GPX6: variants seen among roughly 807,000 people sequenced by gnomAD.
GPX6 encodes the protein glutathione peroxidase 6, also known as glutathione peroxidase 6 (olfactory).
Under a neutral mutation model 20.0 loss-of-function variants are expected in GPX6, and 21 were observed. That is an observed-to-expected ratio of 1.05 (90% CI 0.74 to 1.51). GPX6 has a LOEUF of 1.51. Ranked by LOEUF, GPX6 falls within the 40% of genes most tolerant of loss-of-function variation. GPX6 has a pLI of 0.00. For synonymous variants in GPX6, 75 were observed against 98.0 expected (o/e 0.77, Z 1.38); for missense variants, 233 against 254.7 (o/e 0.91, Z 0.58).
At chr6:28,511,924 C>T (rs958840259) in intron 1 of GPX6, among the ~76,000 whole-genome samples, 1 of 152,142 alleles carries the variant, frequency 6.6e-6, no homozygotes, top group Non-Finnish European at 1.5e-5. Context: ...CAGCGGGCCC[C>T]GCACTCGGAG....
At chr6:28,509,365 CAA>C (rs34508933) in intron 2 of GPX6, among the ~76,000 whole-genome samples, 6,414 of 101,022 alleles carry the variant, frequency 0.063, 159 homozygotes, top group Non-Finnish European at 0.078. Context: ...GCTAAAAATG[CAA>C]AAAAAAAAAA....
At chr6:28,509,651 C>T (rs2113600789) in intron 2 of GPX6, among the ~76,000 whole-genome samples, 1 of 152,302 alleles carries the variant, frequency 6.6e-6, no homozygotes, top group South Asian at 2.1e-4. Context: ...AAGTTCTTGG[C>T]CCGTCCAAAG....
At chr6:28,510,656 G>A (rs1561999952) in intron 2 of GPX6, 95 bp downstream of exon 2, 8 of 1,242,474 alleles carry the variant, frequency 6.4e-6, no homozygotes, top group Admixed American at 1.9e-5. Context: ...TTCTCCCATC[G>A]CATCCTCCAA....
At chr6:28,510,723 C>T in intron 2 of GPX6, 28 bp downstream of exon 2, 4 of 1,603,878 alleles carry the variant, frequency 2.5e-6, no homozygotes, top group Non-Finnish European at 3.4e-6. Context: ...AATGCTGCTT[C>T]CAAAAGAGTT....
rs765951765 is a variant in GPX6, at chr6:28,515,614, A to G, written c.87+43T>C. The stretch of plus-strand genomic sequence containing the variant: ...TGCAACTCTGGCAGCCAGGTTGGTC[A>G]TCACGTGCTGGAATCAGCTCGGATC... On this transcript the variant is annotated intron_variant, in intron 1 of 4. Transcript: ENST00000361902. 7.9e-6 allele frequency: 12 copies of G among 1,519,112 alleles called. No individual in the cohort carries two copies. In the African/African-American group the frequency reaches 1.4e-4, roughly 17 times the overall value. 94.1% of individuals were successfully genotyped at this position (1,519,112 alleles called of 1,614,324 possible). A position where few individuals can be genotyped will look rare whatever the true frequency, so the allele number is the denominator to read the frequency against.
chr6:28,513,800 G>C (rs911350550), intron 1 of GPX6, among the ~76,000 whole-genome samples: 1 of 152,320 alleles, frequency 6.6e-6, no homozygotes, highest in Non-Finnish European at 1.5e-5. Context: ...CATACCCCAT[G>C]CAGGGAAGGA....
In GPX6 at chr6:28,505,834, T is replaced by C; in HGVS notation, c.360-32A>G. On this transcript the variant is annotated intron_variant, in intron 3 of 4. Coordinates refer to ENST00000361902, the MANE Select transcript of GPX6 (RefSeq NM_182701.1). ...TGAACCAAAGTTGTTCCCAGCAAGATACAAATTAAGACATGGATGGAAAAT... is the reference window on the plus strand; with the variant it reads ...TGAACCAAAGTTGTTCCCAGCAAGACACAAATTAAGACATGGATGGAAAAT... 2.0e-6 allele frequency: 3 copies of C among 1,537,556 alleles called. No homozygotes were observed. The African/African-American group carries it at 4.1e-5, about 21-fold the overall frequency.
Position 28,509,982 on chromosome 6 carries a change from C to T in GPX6, c.241+769G>A, listed in dbSNP as rs373569405. Reference sequence around the variant, plus strand: ...CTCTCCTGTTTTTATCAGAAGTAACCGATGAGAAGCATAAAATCAGTCCTT... The same window carrying T: ...CTCTCCTGTTTTTATCAGAAGTAACTGATGAGAAGCATAAAATCAGTCCTT... On this transcript the variant is annotated intron_variant, in intron 2 of 4. Coordinates refer to ENST00000361902, the MANE Select transcript of GPX6 (RefSeq NM_182701.1). Among the ~76,000 whole-genome samples, 12 of 152,280 alleles carry T rather than the reference C, an allele frequency of 7.9e-5. No individual in the cohort carries two copies. The South Asian group carries it at 1.5e-3, about 18-fold the overall frequency.
At chr6:28,512,211 C>T (rs1232971100) in intron 1 of GPX6, among the ~76,000 whole-genome samples, 1 of 152,248 alleles carries the variant, frequency 6.6e-6, no homozygotes, top group Admixed American at 6.5e-5. Context: ...CGGCCTGCGG[C>T]CGTGGTGCGG....
At chr6:28,512,780 C>T (rs566649469) in intron 1 of GPX6, among the ~76,000 whole-genome samples, 3 of 152,224 alleles carry the variant, frequency 2.0e-5, no homozygotes, top group African/African-American at 7.2e-5. Context: ...CTGAAGCCAG[C>T]GAGACCACGA....
At chr6:28,514,135 A>C (rs1762981598) in intron 1 of GPX6, among the ~76,000 whole-genome samples, 1 of 152,224 alleles carries the variant, frequency 6.6e-6, no homozygotes, top group East Asian at 1.9e-4. Flanking sequence ...ACTATAATAA[A>C]AAGTCACACG....
chr6:28,506,521 A>C, intron 2 of GPX6, 92 bp from the exon 3 acceptor site: 1 of 764,642 alleles, frequency 1.3e-6, no homozygotes, highest in Non-Finnish European at 2.4e-6. Context: ...TTATCACATG[A>C]ATAAACCGAG....
intron 1 of GPX6, among the ~76,000 whole-genome samples, chr6:28,512,661 G>A (rs150979967): frequency 0.018 from 2,717 of 152,268 alleles, 73 homozygotes; most frequent in African/African-American, 0.055. Context: ...CACACTGTGG[G>A]AGCTTTGTTC....
chr6:28,504,032 C>A lies in GPX6; in HGVS notation c.*260G>T. On this transcript the variant is annotated 3_prime_UTR_variant, in exon 5 of 5. Coordinates refer to ENST00000361902, the MANE Select transcript of GPX6 (RefSeq NM_182701.1). ...TTTCCTTAATCTTCAAACACACACA[C>A]ACACACACACACACACACCATACAT... The A allele has an allele frequency of 2.3e-6, 1 of 430,324 alleles. No homozygotes were observed. The highest frequency in any genetic ancestry group is 4.1e-6 in the Non-Finnish European group (1 of 244,000). 26.7% of individuals were successfully genotyped at this position (430,324 alleles called of 1,614,324 possible). A position where few individuals can be genotyped will look rare whatever the true frequency, so the allele number is the denominator to read the frequency against.
In GPX6 at chr6:28,505,343, C is replaced by T. The variant is rs1020582850; in HGVS notation, c.459+360G>A. The stretch of plus-strand genomic sequence containing the variant: ...CACTCTGTGACTCTAAAAGCATTTA[C>T]CACATGGTATTCTGTATCATCCATG... On this transcript the variant is annotated intron_variant, in intron 4 of 4. Transcript: ENST00000361902. 2.0e-4 allele frequency among the ~76,000 whole-genome samples: 30 copies of T among 152,186 alleles called. 2 individuals are homozygous for T. The highest frequency in any genetic ancestry group is 6.3e-3 in the Middle Eastern group (2 of 316).
intron 4 of GPX6, among the ~76,000 whole-genome samples, chr6:28,504,833 C>T (rs1242726725): frequency 5.3e-5 from 8 of 152,008 alleles, no homozygotes; most frequent in African/African-American, 1.5e-4. Flanking sequence ...TTCTACAGTT[C>T]GTTTCCTTAG....
At chr6:28,508,355 T>C (rs940460484) in intron 2 of GPX6, among the ~76,000 whole-genome samples, 1 of 152,190 alleles carries the variant, frequency 6.6e-6, no homozygotes, top group African/African-American at 2.4e-5. Context: ...TGAGGTCCTA[T>C]AGTAGACACA....
intron 2 of GPX6, among the ~76,000 whole-genome samples, chr6:28,508,458 A>C (rs1581838404): frequency 6.6e-6 from 1 of 152,116 alleles, no homozygotes; most frequent in African/African-American, 2.4e-5. Context: ...TCTTATAATA[A>C]AAATTTAGTC....
intron 4 of GPX6, 141 bp from the exon 5 acceptor site, chr6:28,504,639 A>G (rs1762790338): frequency 2.8e-6 from 2 of 702,928 alleles, no homozygotes; most frequent in Non-Finnish European, 4.7e-6. Context: ...GCATGCTTCC[A>G]ATCAACCACA....
Sources: allele counts gnomAD v4.1 joint callset (sites outside exome capture counted in the v4.1 genomes callset), GRCh38; gene constraint gnomAD v4.1.1; transcripts MANE v1.5; gene names NCBI Gene and HGNC (gene_info 2026-07-23, HGNC 2026-07-21).